Variants in CRYBB1 observed in about 807,000 individuals in gnomAD.
CRYBB1 encodes crystallin beta B1.
Under a neutral mutation model 29.5 loss-of-function variants are expected in CRYBB1, and 16 were observed. The ratio of observed to expected loss-of-function variants is 0.54; its 90% CI spans 0.37 to 0.82. The LOEUF (loss-of-function observed/expected upper bound fraction) is 0.82. Among genes scored for constraint, CRYBB1 ranks in the 40% least tolerant of loss-of-function variants. CRYBB1 has a pLI of 0.00. For synonymous variants in CRYBB1, 127 were observed against 136.7 expected, an observed-to-expected ratio of 0.93 and a Z score of 0.49; for missense variants, 300 against 350.5, an observed-to-expected ratio of 0.86 and a Z score of 1.15.
intron 3 of CRYBB1, 65 bp from the exon 4 acceptor site, chr22:26,608,086 A>G (rs1469025052): frequency 1.2e-6 from 2 of 1,612,284 alleles, no homozygotes; most frequent in African/African-American, 1.3e-5. Flanking sequence ...CCCACTCCCT[A>G]CTTGCCTTTC....
chr22:26,606,094 C>T (rs143610475), intron 4 of CRYBB1, among the ~76,000 whole-genome samples: 51 of 152,270 alleles, frequency 3.3e-4, no homozygotes, highest in Non-Finnish European at 5.1e-4. Flanking sequence ...ATTCTTCCAG[C>T]GTGGGCCAGG....
Position 26,616,277 on chromosome 22 carries a change from C to T in CRYBB1, c.43G>A (p.Val15Met). 6.2e-7 allele frequency: 1 copy of T among 1,614,070 alleles called. No homozygotes were observed. The part of the protein sequence containing the change: ...AKASASATVA[V>M]NPGPDTKGKG... ...CCCTTGGTGTCAGGCCCTGGGTTCA[C>T]CGCCACTGTGGCCGAGGCCGAGGCC... Residue 15 changes from valine to methionine, a missense_variant, in exon 2 of 6, where the codon GTG (valine) becomes ATG (methionine). Coordinates refer to ENST00000647684, the MANE Select transcript of CRYBB1 (RefSeq NM_001887.4).
chr22:26,610,928 C>T (rs921495342), intron 3 of CRYBB1, among the ~76,000 whole-genome samples: 1 of 152,178 alleles, frequency 6.6e-6, no homozygotes. Context: ...ATGACTGGAA[C>T]CCTTGCAGGC....
intron 3 of CRYBB1, among the ~76,000 whole-genome samples, chr22:26,609,260 G>C (rs865868147): frequency 5.0e-4 from 76 of 152,312 alleles, no homozygotes; most frequent in African/African-American, 1.8e-3. Context: ...GTCTTTGTCT[G>C]AGAGATGAGT....
chr22:26,610,015 C>G (rs917753475), intron 3 of CRYBB1, among the ~76,000 whole-genome samples: 9 of 150,274 alleles, frequency 6.0e-5, no homozygotes, highest in Admixed American at 2.0e-4. Flanking sequence ...GTCTAGGCTT[C>G]TGGAAAAACA....
At chr22:26,612,051 C>T (rs1929184209) in intron 3 of CRYBB1, 21 bp downstream of exon 3, 2 of 1,541,816 alleles carry the variant, frequency 1.3e-6, no homozygotes, top group Non-Finnish European at 1.8e-6. Flanking sequence ...AGAGTGTGCC[C>T]CTCCGCCGCC....
At chr22:26,615,470 T>G (rs1359687746) in intron 2 of CRYBB1, among the ~76,000 whole-genome samples, 1 of 152,210 alleles carries the variant, frequency 6.6e-6, no homozygotes, top group Non-Finnish European at 1.5e-5. Flanking sequence ...ATGGTTTGGT[T>G]GTTGTTATTG....
chr22:26,601,273 A>G lies in CRYBB1; in HGVS notation c.575+606T>C, dbSNP rs551295491. Among the ~76,000 whole-genome samples the G allele has an allele frequency of 3.3e-5, 5 of 152,222 alleles. No homozygotes were observed. The South Asian group carries it at 1.0e-3, about 32-fold the overall frequency. On this transcript the variant is annotated intron_variant, in intron 5 of 5. Coordinates refer to ENST00000647684, the MANE Select transcript of CRYBB1 (RefSeq NM_001887.4). ...GTGACTCCTTTGATCTGGCCCTTCC[A>G]TGTATTCTCATGACATAAGGTCATG...
chr22:26,610,442 C>T (rs1929122657), intron 3 of CRYBB1, among the ~76,000 whole-genome samples: 1 of 152,116 alleles, frequency 6.6e-6, no homozygotes, highest in Non-Finnish European at 1.5e-5. Flanking sequence ...AGGCACACGT[C>T]AGACACCAGC....
At chr22:26,608,068 T>G (rs1232980371) in intron 3 of CRYBB1, 47 bp from the exon 4 acceptor site, 2 of 1,613,686 alleles carry the variant, frequency 1.2e-6, no homozygotes, top group Admixed American at 3.3e-5. Context: ...ATATGGTTAG[T>G]AGAAGCCCCC....
At chr22:26,610,054 C>CG (rs1399368150) in intron 3 of CRYBB1, among the ~76,000 whole-genome samples, 4 of 146 alleles carry the variant, frequency 0.027, no homozygotes, top group African/African-American at 0.053. Context: ...CCACCATGCC[C>CG]AAGTCCCCCT....
At chr22:26,601,351 T>A (rs1928812624) in intron 5 of CRYBB1, among the ~76,000 whole-genome samples, 1 of 152,152 alleles carries the variant, frequency 6.6e-6, no homozygotes, top group South Asian at 2.1e-4. Context: ...GGAAGGGCAC[T>A]CTTGGATCAG....
At chr22:26,612,278 G>A (rs1012442907) in intron 2 of CRYBB1, 88 bp from the exon 3 acceptor site, 3 of 841,684 alleles carry the variant, frequency 3.6e-6, no homozygotes, top group African/African-American at 1.7e-5. Context: ...AGCCAGCAGT[G>A]CAGGAGTCAC....
intron 2 of CRYBB1, 34 bp from the exon 3 acceptor site, chr22:26,612,224 G>A (rs1487358313): frequency 1.4e-6 from 2 of 1,447,050 alleles, no homozygotes. Context: ...CAAGGGCAGA[G>A]TGAGGGGGGA....
At chr22:26,615,884 G>A (rs927252676) in intron 2 of CRYBB1, among the ~76,000 whole-genome samples, 2 of 152,136 alleles carry the variant, frequency 1.3e-5, no homozygotes, top group South Asian at 2.1e-4. Context: ...CCACACTTGT[G>A]TCCCAGAAGG....
intron 4 of CRYBB1, among the ~76,000 whole-genome samples, chr22:26,607,638 G>C (rs1929023037): frequency 6.6e-6 from 1 of 151,682 alleles, no homozygotes; most frequent in South Asian, 2.1e-4. Flanking sequence ...GGAAGATGCT[G>C]AAGTTTTTAG....
intron 4 of CRYBB1, among the ~76,000 whole-genome samples, chr22:26,607,532 G>T (rs73163253): frequency 0.03 from 4,459 of 148,060 alleles, 126 homozygotes; most frequent in East Asian, 0.16. Flanking sequence ...ACACCAGGCT[G>T]GGGGACACAG....
chr22:26,604,914 G>A (rs1928929050), intron 4 of CRYBB1, among the ~76,000 whole-genome samples: 1 of 152,106 alleles, frequency 6.6e-6, no homozygotes, highest in Non-Finnish European at 1.5e-5. Context: ...CACCACCTAT[G>A]AGACCCTACA....
chr22:26,601,475 A>C (rs190882688), intron 5 of CRYBB1, among the ~76,000 whole-genome samples: 6 of 151,700 alleles, frequency 4.0e-5, no homozygotes, highest in Middle Eastern at 3.4e-3. Context: ...TTATGATGCA[A>C]ATTCACTGCT....
Sources: allele counts gnomAD v4.1 joint callset (sites outside exome capture counted in the v4.1 genomes callset), GRCh38; gene constraint gnomAD v4.1.1; transcripts MANE v1.5; gene names NCBI Gene and HGNC (gene_info 2026-07-23, HGNC 2026-07-21).